The following DLG2 variants were observed in gnomAD, a reference collection of about 807,000 sequenced individuals.
DLG2 encodes disks large homolog 2.
DLG2 carries 45 observed loss-of-function variants against 132.5 expected under a neutral mutation model. The ratio of observed to expected loss-of-function variants is 0.34; its 90% CI spans 0.27 to 0.44. The LOEUF is 0.44. Ranked by LOEUF, DLG2 falls within the 20% of genes least tolerant of loss-of-function variation. DLG2 has a pLI of 1.00. For synonymous variants in DLG2, 424 were observed against 419.6 expected (o/e 1.01, Z -0.13); for missense variants, 1,045 against 1,196.9 (o/e 0.87, Z 1.87).
chr11:84,615,453 C>T (rs2154539421), intron 6 of DLG2, among the ~76,000 whole-genome samples: 1 of 152,096 alleles, frequency 6.6e-6, no homozygotes, highest in Admixed American at 6.6e-5. Flanking sequence ...CTCCAGGTAG[C>T]TAATAATTCT....
intron 6 of DLG2, among the ~76,000 whole-genome samples, chr11:85,019,195 C>G (rs562752874): frequency 7.9e-5 from 12 of 152,230 alleles, no homozygotes; most frequent in African/African-American, 2.9e-4. Flanking sequence ...ACCATACATC[C>G]TTTTTATTGT....
chr11:83,875,230 C>G (rs2064460687), intron 15 of DLG2, among the ~76,000 whole-genome samples: 1 of 151,982 alleles, frequency 6.6e-6, no homozygotes, highest in Non-Finnish European at 1.5e-5. Flanking sequence ...ATTTTGATTA[C>G]CTGTAACAAG....
chr11:85,322,814 T>C (rs1207898340), intron 3 of DLG2, among the ~76,000 whole-genome samples: 5 of 152,140 alleles, frequency 3.3e-5, no homozygotes, highest in African/African-American at 9.6e-5. Context: ...ATATAATAAA[T>C]ATCTCTTGAT....
At chr11:84,249,502 G>A (rs1267965922) in intron 8 of DLG2, among the ~76,000 whole-genome samples, 1 of 152,168 alleles carries the variant, frequency 6.6e-6, no homozygotes, top group Non-Finnish European at 1.5e-5. Flanking sequence ...GTGAGTCCTT[G>A]AACCAGTTAC....
intron 19 of DLG2, among the ~76,000 whole-genome samples, chr11:83,578,073 T>TACACACACACACACAC (rs554190947): frequency 1.1e-5 from 1 of 88,194 alleles, no homozygotes; most frequent in African/African-American, 4.5e-5. Context: ...TATATATATG[T>TACACACACACACACAC]ATACACACAC....
intron 15 of DLG2, among the ~76,000 whole-genome samples, chr11:83,883,187 C>A (rs947533180): frequency 2.0e-5 from 3 of 151,446 alleles, no homozygotes; most frequent in Non-Finnish European, 4.4e-5. Context: ...TATCGTGTTC[C>A]TTCATCTTTT....
intron 6 of DLG2, among the ~76,000 whole-genome samples, chr11:84,991,270 G>C (rs981404367): frequency 1.3e-5 from 2 of 152,176 alleles, no homozygotes; most frequent in East Asian, 1.9e-4. Context: ...AGCAATTTGG[G>C]GGACTGAGGC....
At chr11:83,859,693 T>A (rs1008338699) in intron 16 of DLG2, among the ~76,000 whole-genome samples, 1 of 152,176 alleles carries the variant, frequency 6.6e-6, no homozygotes, top group South Asian at 2.1e-4. Context: ...CTGCAGAAAT[T>A]TGCATAAGTA....
At chr11:84,011,251 A>G (rs2094875223) in intron 11 of DLG2, among the ~76,000 whole-genome samples, 1 of 152,048 alleles carries the variant, frequency 6.6e-6, no homozygotes. Flanking sequence ...TAGGAGGATT[A>G]CTTGAGCCCA....
chr11:84,183,381 G>A (rs1272175749), intron 8 of DLG2, among the ~76,000 whole-genome samples: 1 of 152,074 alleles, frequency 6.6e-6, no homozygotes. Context: ...GCCCGTGTGA[G>A]CAAGGCCTGT....
At chr11:84,961,305 C>T (rs2154108950) in intron 6 of DLG2, among the ~76,000 whole-genome samples, 1 of 151,992 alleles carries the variant, frequency 6.6e-6, no homozygotes. Context: ...GCCTGACCTA[C>T]CCCACTACCT....
At chr11:83,730,572 A>G (rs2090833086) in intron 18 of DLG2, among the ~76,000 whole-genome samples, 3 of 152,118 alleles carry the variant, frequency 2.0e-5, no homozygotes, top group Admixed American at 6.5e-5. Context: ...AGGGAGAGCA[A>G]AGGTTAACCA....
At chr11:83,492,925 T>G (rs1342769080) in intron 21 of DLG2, among the ~76,000 whole-genome samples, 1 of 152,052 alleles carries the variant, frequency 6.6e-6, no homozygotes, top group African/African-American at 2.4e-5. Context: ...TCATTTAAAA[T>G]TGTAATTCAG....
intron 3 of DLG2, among the ~76,000 whole-genome samples, chr11:85,464,686 G>C (rs1009948554): frequency 1.6e-4 from 24 of 152,028 alleles, no homozygotes; most frequent in African/African-American, 5.8e-4. Context: ...TCCCATTTTA[G>C]CAGAATTCAG....
At chr11:84,722,791 T>G (rs916884103) in intron 6 of DLG2, among the ~76,000 whole-genome samples, 1 of 152,198 alleles carries the variant, frequency 6.6e-6, no homozygotes, top group African/African-American at 2.4e-5. Context: ...AGGGCAGCCA[T>G]GCCTAAGGTT....
chr11:84,700,841 T>C (rs1189367510), intron 6 of DLG2, among the ~76,000 whole-genome samples: 4 of 151,640 alleles, frequency 2.6e-5, no homozygotes, highest in Non-Finnish European at 5.9e-5. Flanking sequence ...TCAGTTGGTT[T>C]CTGGCTACCC....
At chr11:84,134,817 A>C (rs758573223) in intron 9 of DLG2, among the ~76,000 whole-genome samples, 12 of 151,816 alleles carry the variant, frequency 7.9e-5, no homozygotes, top group Non-Finnish European at 1.2e-4. Flanking sequence ...TCTACAACGG[A>C]AACACCTGCT....
At chr11:84,361,559 T>G (rs1195836887) in intron 7 of DLG2, among the ~76,000 whole-genome samples, 1 of 151,976 alleles carries the variant, frequency 6.6e-6, no homozygotes, top group African/African-American at 2.4e-5. Flanking sequence ...AAGGAAGATT[T>G]GTGGGCAAAG....
At chr11:85,500,007 G>C (rs1165509533) in intron 3 of DLG2, among the ~76,000 whole-genome samples, 1 of 152,070 alleles carries the variant, frequency 6.6e-6, no homozygotes, top group Non-Finnish European at 1.5e-5. Flanking sequence ...ATGGGCAAAA[G>C]CTAGAAGCAT....
Sources: gnomAD v4.1 joint callset for allele counts (sites outside exome capture counted in the v4.1 genomes callset) on GRCh38, gnomAD v4.1.1 for gene constraint, MANE v1.5 for transcripts, NCBI Gene and HGNC (gene_info 2026-07-23, HGNC 2026-07-21) for gene names.